Variants in PCDH11X observed in about 807,000 individuals in gnomAD.
The protein encoded by PCDH11X is protocadherin 11 X-linked.
Under a neutral mutation model 53.3 loss-of-function variants are expected in PCDH11X, and 18 were observed. The ratio of observed to expected loss-of-function variants is 0.34; its 90% CI spans 0.23 to 0.50. PCDH11X has a LOEUF of 0.50. Ranked by LOEUF, PCDH11X falls within the 20% of genes least tolerant of loss-of-function variation. The pLI is 0.98. For synonymous variants in PCDH11X, 279 were observed against 393.3 expected, an observed-to-expected ratio of 0.71 and a Z score of 3.44; for missense variants, 570 against 1,032.4, an observed-to-expected ratio of 0.55 and a Z score of 6.14.
chrX:92,550,834 T>C (rs1034110664), intron 10 of PCDH11X, among the ~76,000 whole-genome samples: 1 of 108,876 alleles, frequency 9.2e-6, no homozygotes, highest in African/African-American at 3.3e-5. Context: ...TTAGAACATA[T>C]GATGTTTATC....
At chrX:92,498,516 C>T (rs1202929207) in intron 10 of PCDH11X, among the ~76,000 whole-genome samples, 1 of 110,059 alleles carries the variant, frequency 9.1e-6, no homozygotes, top group Non-Finnish European at 1.9e-5. Context: ...TATTCTGCTG[C>T]CCAGTTTCTT....
chrX:92,076,351 G>A lies in PCDH11X; in HGVS notation c.3034-125024G>A, dbSNP rs565961671. 8.1e-4 allele frequency among the ~76,000 whole-genome samples: 79 copies of A among 97,793 alleles called. 1 individual carries two copies. In the South Asian group the frequency reaches 0.032, roughly 39 times the overall value. 84.9% of individuals were successfully genotyped at this position (97,793 alleles called of 115,157 possible). ...AATTGTTATGATCAAGTGAAGATGTGCCAAACTTCCTAGTGCAATGTAATG... is the reference window on the plus strand; with the variant it reads ...AATTGTTATGATCAAGTGAAGATGTACCAAACTTCCTAGTGCAATGTAATG... On this transcript the variant is annotated intron_variant, in intron 6 of 10. Transcript: ENST00000682573.
In PCDH11X at chrX:92,569,580, GTCT is replaced by G. The variant is rs764887175; in HGVS notation, c.3368-48681_3368-48679del. 4.1e-3 allele frequency among the ~76,000 whole-genome samples: 456 copies of G among 111,491 alleles called. 4 individuals carry two copies. The highest frequency in any genetic ancestry group is 0.014 in the Middle Eastern group (3 of 217). On this transcript the variant is annotated intron_variant, in intron 10 of 10. Transcript: ENST00000682573. ...TATTACAATCATTTTATTATTTGAT[GTCT>G]TCCTTTTTTTAACTTAACATTATAC...
chrX:91,849,861 GAAGTT>G (rs1937908413), intron 5 of PCDH11X, among the ~76,000 whole-genome samples: 1 of 98,771 alleles, frequency 1.0e-5, no homozygotes, highest in Non-Finnish European at 2.0e-5. Context: ...TCATTATTCA[GAAGTT>G]AATAATCAAA....
At chrX:92,422,134 C>CTT (rs67131959) in intron 9 of PCDH11X, among the ~76,000 whole-genome samples, 38 of 86,311 alleles carry the variant, frequency 4.4e-4, no homozygotes, top group African/African-American at 1.6e-3. Flanking sequence ...AATTTCTTTT[C>CTT]TTTTTTTTTT....
intron 10 of PCDH11X, among the ~76,000 whole-genome samples, chrX:92,538,568 G>A (rs952934118): frequency 9.5e-6 from 1 of 105,305 alleles, no homozygotes; most frequent in African/African-American, 3.4e-5. Flanking sequence ...CATGAGGCTT[G>A]TACATACTAT....
intron 6 of PCDH11X, among the ~76,000 whole-genome samples, chrX:91,923,836 A>C (rs1187129219): frequency 9.0e-6 from 1 of 111,152 alleles, no homozygotes; most frequent in Non-Finnish European, 1.9e-5. Context: ...GTGGGAGCTA[A>C]ACATTAAGTA....
intron 9 of PCDH11X, among the ~76,000 whole-genome samples, chrX:92,412,028 TGAGGAGGAGGAG>T (rs1234836534): frequency 4.3e-5 from 1 of 23,411 alleles, no homozygotes; most frequent in African/African-American, 1.5e-4. Flanking sequence ...GGAGGAGGGG[TGAGGAGGAGGAG>T]GAGGAAGAGG....
At chrX:92,572,840 C>T (rs764405051) in intron 10 of PCDH11X, among the ~76,000 whole-genome samples, 9 of 103,054 alleles carry the variant, frequency 8.7e-5, no homozygotes, top group African/African-American at 2.9e-4. Context: ...GCCGAGATCA[C>T]GGCACTGCAC....
intron 4 of PCDH11X, among the ~76,000 whole-genome samples, chrX:91,822,804 G>T (rs1293736180): frequency 9.0e-6 from 1 of 110,957 alleles, no homozygotes; most frequent in Admixed American, 9.6e-5. Flanking sequence ...TTCTCTTGTG[G>T]GCATTTAGTG....
intron 10 of PCDH11X, among the ~76,000 whole-genome samples, chrX:92,504,116 T>C (rs2074009407): frequency 9.9e-6 from 1 of 100,622 alleles, no homozygotes; most frequent in Non-Finnish European, 2.0e-5. Context: ...TGAATGTTTT[T>C]AAAAACTTTT....
At chrX:92,562,563 T>C (rs2075147116) in intron 10 of PCDH11X, among the ~76,000 whole-genome samples, 1 of 107,037 alleles carries the variant, frequency 9.3e-6, no homozygotes, top group East Asian at 3.0e-4. Flanking sequence ...ATTTTCAAAC[T>C]TTTACATTAT....
At chrX:92,508,076 A>G (rs1424077362) in intron 10 of PCDH11X, among the ~76,000 whole-genome samples, 1 of 111,002 alleles carries the variant, frequency 9.0e-6, no homozygotes, top group African/African-American at 3.3e-5. Flanking sequence ...CAGCCTCCCA[A>G]AATGCTGGGA....
At chrX:91,794,904 A>G (rs754510830) in intron 1 of PCDH11X, among the ~76,000 whole-genome samples, 1 of 110,168 alleles carries the variant, frequency 9.1e-6, no homozygotes, top group East Asian at 2.9e-4. Flanking sequence ...CATGATAGTG[A>G]ATGGGTCTCA....
At chrX:92,400,422 G>T (rs2148588028) in intron 9 of PCDH11X, among the ~76,000 whole-genome samples, 1 of 109,946 alleles carries the variant, frequency 9.1e-6, no homozygotes, top group Non-Finnish European at 1.9e-5. Flanking sequence ...AGACAAAAAA[G>T]ATGCAGATAA....
At chrX:92,492,459 T>G (rs2073782569) in intron 10 of PCDH11X, among the ~76,000 whole-genome samples, 2 of 112,516 alleles carry the variant, frequency 1.8e-5, no homozygotes, top group Admixed American at 1.9e-4. Context: ...CAAATAAATT[T>G]CTATGCACAT....
At chrX:91,886,863 C>A (rs1471721585) in intron 6 of PCDH11X, among the ~76,000 whole-genome samples, 1 of 104,836 alleles carries the variant, frequency 9.5e-6, no homozygotes, top group Non-Finnish European at 1.9e-5. Context: ...CCCAGCTACT[C>A]GGGAGGCTGA....
At chrX:92,501,923 C>A (rs757733980) in intron 10 of PCDH11X, among the ~76,000 whole-genome samples, 54 of 110,648 alleles carry the variant, frequency 4.9e-4, no homozygotes, top group African/African-American at 1.7e-3. Flanking sequence ...GTGAGGAAGT[C>A]AAATTATCTT....
intron 6 of PCDH11X, among the ~76,000 whole-genome samples, chrX:92,020,203 C>CTT (rs2062861826): frequency 8.9e-6 from 1 of 112,720 alleles, no homozygotes; most frequent in South Asian, 3.6e-4. Context: ...GCCAGCATCA[C>CTT]AGCTGCTGCT....
Sources: gnomAD v4.1 joint callset for allele counts (sites outside exome capture counted in the v4.1 genomes callset) on GRCh38, gnomAD v4.1.1 for gene constraint, MANE v1.5 for transcripts, NCBI Gene and HGNC (gene_info 2026-07-23, HGNC 2026-07-21) for gene names.